The following ARID1A variants were observed in gnomAD, a reference collection of about 807,000 sequenced individuals.
ARID1A encodes the protein AT-rich interactive domain-containing protein 1A.
In ARID1A, 20 loss-of-function variants were observed where a neutral mutation model predicts 212.6. The ratio of observed to expected loss-of-function variants is 0.09; its 90% CI spans 0.07 to 0.14. The LOEUF (loss-of-function observed/expected upper bound fraction) is 0.14, where lower values mean the gene tolerates loss of function less well. Ranked by LOEUF, ARID1A falls within the 10% of genes least tolerant of loss-of-function variation. The pLI is 1.00. For missense variants in ARID1A, 2,587 were observed against 3,059.0 expected (o/e 0.85, Z 3.64); for synonymous variants, 1,376 against 1,222.1 (o/e 1.13, Z -2.63).
chr1:26,729,901 G>A (rs758139319), intron 2 of ARID1A, 38 bp downstream of exon 2: 5 of 1,596,388 alleles, frequency 3.1e-6, no homozygotes, highest in Non-Finnish European at 3.4e-6. Flanking sequence ...CCTTGTTGCT[G>A]TCCAAAATCT....
chr1:26,754,542 A>G (rs2080912266), intron 4 of ARID1A, among the ~76,000 whole-genome samples: 1 of 152,142 alleles, frequency 6.6e-6, no homozygotes, highest in African/African-American at 2.4e-5. Flanking sequence ...ACTTAGATTT[A>G]TCCAGCCCCC....
chr1:26,697,664 C>G, intron 1 of ARID1A, 124 bp downstream of exon 1: 1 of 952,862 alleles, frequency 1.0e-6, no homozygotes, highest in Non-Finnish European at 1.4e-6. Context: ...GGGGAGCTGC[C>G]ATTGTCTGGC....
chr1:26,741,937 G>T (rs1557598073), intron 4 of ARID1A, among the ~76,000 whole-genome samples: 1 of 152,144 alleles, frequency 6.6e-6, no homozygotes, highest in Non-Finnish European at 1.5e-5. Context: ...GATTTTAGAG[G>T]GCAGGAGTAA....
chr1:26,779,656 A>G lies in ARID1A; in HGVS notation c.5758A>G (p.Ser1920Gly), dbSNP rs2081172419. 6.2e-7 allele frequency: 1 copy of G among 1,614,138 alleles called. No homozygotes were observed. The highest frequency in any genetic ancestry group is 8.5e-7 in the Non-Finnish European group (1 of 1,180,028). Residue 1920 changes from serine to glycine, a missense_variant, in exon 20 of 20, where the codon AGC becomes GGC. This residue lies in a region of ARID1A where 890 missense variants were observed against 1,098.2 expected (regional missense o/e 0.81). Transcript: ENST00000324856. ...GGATGACATGTTGTCTACTCGGTCT[A>G]GCACCTTGACCGAGGATGGAGCTAA... ...TMDDMLSTRSSTLTEDGAKSS... is the reference protein window; with the variant it reads ...TMDDMLSTRSGTLTEDGAKSS...
In ARID1A at chr1:26,771,448, C is replaced by A; in HGVS notation, c.3406+122C>A. On this transcript the variant is annotated intron_variant, in intron 12 of 19. Transcript: ENST00000324856. This position sits in a 1 kb window ranked among gnomAD's most constrained non-coding sequence, Gnocchi z 5.4. Reference sequence around the variant, plus strand: ...GCCAAGGATCTGTGCTCTGCCTTGCCCTACCACAGGGCTTAACAGGTTGGC... The same window carrying A: ...GCCAAGGATCTGTGCTCTGCCTTGCACTACCACAGGGCTTAACAGGTTGGC... The A allele has an allele frequency of 8.9e-7, 1 of 1,129,530 alleles. No individual in the cohort carries two copies. The highest frequency in any genetic ancestry group is 1.3e-6 in the Non-Finnish European group (1 of 795,568). 70.0% of individuals were successfully genotyped at this position (1,129,530 alleles called of 1,614,324 possible).
chr1:26,734,037 T>A (rs1318868613), intron 4 of ARID1A, among the ~76,000 whole-genome samples: 4 of 152,232 alleles, frequency 2.6e-5, no homozygotes, highest in Non-Finnish European at 5.9e-5. Flanking sequence ...GATTGTTGAC[T>A]TTCTCAACTG....
intron 1 of ARID1A, among the ~76,000 whole-genome samples, chr1:26,702,652 G>A (rs1205736424): frequency 1.3e-5 from 2 of 152,154 alleles, no homozygotes; most frequent in Non-Finnish European, 2.9e-5. Context: ...CTCATGTGGT[G>A]GAGTAAAATA....
chr1:26,749,113 C>T lies in ARID1A; in HGVS notation c.1921-11743C>T, dbSNP rs2080862838. On this transcript the variant is annotated intron_variant, in intron 4 of 19. Coordinates refer to ENST00000324856, the MANE Select transcript of ARID1A (RefSeq NM_006015.6). ...CCGGGAGGCAGAGCTTGCAGTGAGC[C>T]AAGATCGCGCCACTGCACTCCAGCC... is the stretch of plus-strand genomic sequence containing the variant. Among the ~76,000 whole-genome samples, 6 of 152,084 alleles carry T rather than the reference C, an allele frequency of 3.9e-5. No individual in the cohort carries two copies. In the South Asian group the frequency reaches 1.2e-3, roughly 32 times the overall value.
rs933021950 is a variant in ARID1A, at chr1:26,776,569, G to A, written c.5124+862G>A. On this transcript the variant is annotated intron_variant, in intron 19 of 19. Transcript: ENST00000324856. ...ATTACAGGCGTGAGCAACCGCGCCC[G>A]GCCCTACAATATTCTTACAAAGCTG... is the stretch of plus-strand genomic sequence containing the variant. 2.0e-5 allele frequency among the ~76,000 whole-genome samples: 3 copies of A among 152,116 alleles called. No homozygotes were observed. In the East Asian group the frequency reaches 5.8e-4, roughly 29 times the overall value.
intron 1 of ARID1A, among the ~76,000 whole-genome samples, chr1:26,714,177 G>A (rs2080479768): frequency 6.6e-6 from 1 of 152,194 alleles, no homozygotes; most frequent in Admixed American, 6.5e-5. Context: ...AAAGACAGCT[G>A]GTGACTGGTA....
At chr1:26,754,754 G>A (rs2080914169) in intron 4 of ARID1A, among the ~76,000 whole-genome samples, 1 of 152,124 alleles carries the variant, frequency 6.6e-6, no homozygotes. Context: ...TTTAAAATCT[G>A]GCTTCCACCA....
At chr1:26,704,764 C>G (rs1174942655) in intron 1 of ARID1A, among the ~76,000 whole-genome samples, 1 of 151,174 alleles carries the variant, frequency 6.6e-6, no homozygotes, top group Non-Finnish European at 1.5e-5. Context: ...AAAGCTGAGG[C>G]AGGAGGATTG....
Position 26,697,480 on chromosome 1 carries a change from C to T in ARID1A, c.1077C>T (p.His359=). The T allele has an allele frequency of 7.1e-7, 1 of 1,401,970 alleles. No homozygotes were observed. The highest frequency in any genetic ancestry group is 1.5e-5 in the South Asian group (1 of 65,040). 86.8% of individuals were successfully genotyped at this position (1,401,970 alleles called of 1,614,324 possible). ...ASGGAQQRSH[H]APMSPGSSGG... ...GAGGGGCCCAACAAAGGAGCCACCA[C>T]GCGCCCATGAGCCCCGGGAGCAGCG... The change falls in exon 1 of 20, where the codon CAC becomes CAT. Residue 359 remains histidine (H), a synonymous_variant. Coordinates refer to ENST00000324856, the MANE Select transcript of ARID1A (RefSeq NM_006015.6).
At chr1:26,713,971 G>C (rs2124767033) in intron 1 of ARID1A, among the ~76,000 whole-genome samples, 1 of 152,216 alleles carries the variant, frequency 6.6e-6, no homozygotes, top group Non-Finnish European at 1.5e-5. Flanking sequence ...TGGTATTTTG[G>C]GTTAAAATGA....
chr1:26,753,605 C>T (rs548309508), intron 4 of ARID1A, among the ~76,000 whole-genome samples: 1 of 152,362 alleles, frequency 6.6e-6, no homozygotes, highest in Admixed American at 6.5e-5. Flanking sequence ...GGAAATTCTC[C>T]TGGCCCTGCT....
intron 4 of ARID1A, among the ~76,000 whole-genome samples, chr1:26,733,811 T>C (rs913042306): frequency 2.0e-5 from 3 of 152,206 alleles, no homozygotes; most frequent in Non-Finnish European, 1.5e-5. Context: ...TTGACTCTAC[T>C]TGGATGTAAA....
intron 7 of ARID1A, 41 bp downstream of exon 7, chr1:26,762,360 G>A (rs1557608900): frequency 6.3e-7 from 1 of 1,585,084 alleles, no homozygotes; most frequent in East Asian, 2.3e-5. Context: ...CGGGTGAGAG[G>A]AGAAAACAGT....
At chr1:26,737,594 G>A (rs1318093549) in intron 4 of ARID1A, among the ~76,000 whole-genome samples, 10 of 152,024 alleles carry the variant, frequency 6.6e-5, no homozygotes, top group East Asian at 1.9e-4. Flanking sequence ...GCCCGAGCAC[G>A]GTGCCTCACG....
intron 4 of ARID1A, among the ~76,000 whole-genome samples, chr1:26,742,698 C>T (rs1477084454): frequency 1.3e-5 from 2 of 152,146 alleles, no homozygotes; most frequent in African/African-American, 4.8e-5. Flanking sequence ...AGGCCAGGCA[C>T]GGTGGCTCAC....
Sources: gnomAD v4.1 joint callset for allele counts (sites outside exome capture counted in the v4.1 genomes callset) on GRCh38, gnomAD v4.1.1 for gene constraint, gnomAD v4.1.1 regional missense constraint, Gnocchi (gnomAD v3.1) non-coding constraint, MANE v1.5 for transcripts, NCBI Gene and HGNC (gene_info 2026-07-23, HGNC 2026-07-21) for gene names.